IQGAP2: variants seen among roughly 807,000 people sequenced by gnomAD.
The protein encoded by IQGAP2 is ras GTPase-activating-like protein IQGAP2.
A neutral mutation model predicts 201.3 loss-of-function variants in IQGAP2; 173 were observed. The ratio of observed to expected loss-of-function variants is 0.86; its 90% confidence interval spans 0.76 to 0.98. The LOEUF is 0.98. Ranked by LOEUF, IQGAP2 falls within the 50% of genes least tolerant of loss-of-function variation. IQGAP2 has a pLI of 0.00. For missense variants in IQGAP2, 1,687 were observed against 1,864.8 expected, an observed-to-expected ratio of 0.90 and a Z score of 1.76; for synonymous variants, 675 against 673.9, an observed-to-expected ratio of 1.00 and a Z score of -0.03.
At chr5:76,443,849 AT>A (rs1753200953) in intron 1 of IQGAP2, among the ~76,000 whole-genome samples, 1 of 152,234 alleles carries the variant, frequency 6.6e-6, no homozygotes, top group South Asian at 2.1e-4. Context: ...AGATACTTAT[AT>A]AAAGTTTTAG....
chr5:76,587,425 ACAAT>A (rs1237069118), intron 5 of IQGAP2, among the ~76,000 whole-genome samples: 8 of 152,228 alleles, frequency 5.3e-5, no homozygotes, highest in Non-Finnish European at 1.0e-4. Flanking sequence ...TTAATTAATA[ACAAT>A]CTAAATGCTC....
At chr5:76,555,909 A>C (rs1021953131) in intron 2 of IQGAP2, among the ~76,000 whole-genome samples, 8 of 152,140 alleles carry the variant, frequency 5.3e-5, no homozygotes, top group African/African-American at 1.9e-4. Context: ...CTGTGGTTAC[A>C]ACCCAGTCAC....
At chr5:76,606,357 A>G (rs2150331596) in intron 12 of IQGAP2, 54 bp downstream of exon 12, 1 of 1,474,514 alleles carries the variant, frequency 6.8e-7, no homozygotes, top group South Asian at 1.5e-5. Context: ...AGGTATCTGG[A>G]CAACTTAGTT....
chr5:76,605,257 A>G (rs1377871082), intron 11 of IQGAP2, among the ~76,000 whole-genome samples: 2 of 152,224 alleles, frequency 1.3e-5, no homozygotes, highest in Admixed American at 6.5e-5. Context: ...CAGGCAGAAA[A>G]AAAGTAATTG....
intron 1 of IQGAP2, among the ~76,000 whole-genome samples, chr5:76,411,036 C>T (rs892382921): frequency 6.6e-6 from 1 of 152,204 alleles, no homozygotes; most frequent in African/African-American, 2.4e-5. Flanking sequence ...GCAGTAACAG[C>T]AGCGGAGCAT....
chr5:76,680,457 A>C (rs1745179431), intron 28 of IQGAP2, among the ~76,000 whole-genome samples: 1 of 152,214 alleles, frequency 6.6e-6, no homozygotes, highest in African/African-American at 2.4e-5. Flanking sequence ...CACCAAACAC[A>C]TAAGCAGCAA....
chr5:76,642,480 A>G (rs767487843), intron 17 of IQGAP2, among the ~76,000 whole-genome samples: 2 of 152,070 alleles, frequency 1.3e-5, no homozygotes, highest in Non-Finnish European at 2.9e-5. Context: ...TCTTCTGACA[A>G]TTTTCCAAAA....
At chr5:76,505,367 C>T (rs1335105494) in intron 2 of IQGAP2, among the ~76,000 whole-genome samples, 1 of 152,222 alleles carries the variant, frequency 6.6e-6, no homozygotes, top group Non-Finnish European at 1.5e-5. Flanking sequence ...AGCCAACACC[C>T]AAGCCCAGGC....
chr5:76,626,795 C>T (rs1034800796), intron 13 of IQGAP2, among the ~76,000 whole-genome samples: 3 of 151,984 alleles, frequency 2.0e-5, no homozygotes, highest in Admixed American at 1.3e-4. Flanking sequence ...TAGGGTAGCC[C>T]GGGAAGACTT....
At chr5:76,449,927 A>C (rs578222154) in intron 1 of IQGAP2, among the ~76,000 whole-genome samples, 7 of 152,318 alleles carry the variant, frequency 4.6e-5, no homozygotes, top group African/African-American at 1.7e-4. Flanking sequence ...AATTATATTT[A>C]AGGTAGTTGC....
intron 2 of IQGAP2, among the ~76,000 whole-genome samples, chr5:76,511,941 A>G (rs1403335954): frequency 6.6e-6 from 1 of 152,036 alleles, no homozygotes; most frequent in Admixed American, 6.5e-5. Context: ...CGGCCTCCCA[A>G]AGTGCTGGGA....
At chr5:76,443,816 A>G (rs1175830293) in intron 1 of IQGAP2, among the ~76,000 whole-genome samples, 1 of 152,192 alleles carries the variant, frequency 6.6e-6, no homozygotes, top group Non-Finnish European at 1.5e-5. Context: ...TAGCACATTT[A>G]TTGGGCAAAC....
At chr5:76,542,855 C>G (rs1416273626) in intron 2 of IQGAP2, among the ~76,000 whole-genome samples, 1 of 152,208 alleles carries the variant, frequency 6.6e-6, no homozygotes, top group Non-Finnish European at 1.5e-5. Flanking sequence ...TAGGCCTCTG[C>G]TTGCTAGTTG....
intron 1 of IQGAP2, among the ~76,000 whole-genome samples, chr5:76,405,130 TGTC>T (rs529527215): frequency 8.4e-4 from 128 of 152,394 alleles, no homozygotes; most frequent in Non-Finnish European, 1.3e-3. Flanking sequence ...ACATGATTGA[TGTC>T]GGCCCTCATG....
At chr5:76,513,006 G>A (rs1309911479) in intron 2 of IQGAP2, among the ~76,000 whole-genome samples, 1 of 151,614 alleles carries the variant, frequency 6.6e-6, no homozygotes, top group Admixed American at 6.6e-5. Context: ...AGTGAGCTGA[G>A]ATTGTGCCAC....
intron 1 of IQGAP2, among the ~76,000 whole-genome samples, chr5:76,426,292 G>T (rs1369773759): frequency 6.6e-6 from 1 of 152,138 alleles, no homozygotes; most frequent in Non-Finnish European, 1.5e-5. Flanking sequence ...CTAGGAAAGG[G>T]GGATTCTGTT....
chr5:76,673,472 C>T lies in IQGAP2; in HGVS notation c.3092C>T (p.Thr1031Ile), dbSNP rs765791480. Residue 1031 changes from threonine to isoleucine, a missense_variant, in exon 25 of 36, where the codon ACA becomes ATA. Transcript: ENST00000274364. The stretch of plus-strand genomic sequence containing the variant: ...AGCAAGTTGCCTTATGATGTGACCA[C>T]AGAACAAGCTCTAACATACCCAGAA... ...EASKLPYDVT[T>I]EQALTYPEVK... The T allele has an allele frequency of 2.5e-6, 4 of 1,613,932 alleles. No individual in the cohort carries two copies. The highest frequency in any genetic ancestry group is 2.5e-6 in the Non-Finnish European group (3 of 1,179,892).
intron 10 of IQGAP2, 92 bp from the exon 11 acceptor site, chr5:76,600,720 T>C: frequency 2.1e-6 from 3 of 1,460,288 alleles, no homozygotes; most frequent in African/African-American, 1.4e-5. Context: ...CTTTGACTTT[T>C]TGTTGTTTGT....
chr5:76,667,740 T>C (rs1743907464), intron 22 of IQGAP2, among the ~76,000 whole-genome samples: 1 of 152,156 alleles, frequency 6.6e-6, no homozygotes, highest in African/African-American at 2.4e-5. Context: ...GTGTAGAACA[T>C]TGTGGCCATT....
Sources: gnomAD v4.1 joint callset for allele counts (sites outside exome capture counted in the v4.1 genomes callset) on GRCh38, gnomAD v4.1.1 for gene constraint, MANE v1.5 for transcripts, NCBI Gene and HGNC (gene_info 2026-07-23, HGNC 2026-07-21) for gene names.